TRAPPC9: variants seen among roughly 807,000 people sequenced by gnomAD.
The protein encoded by TRAPPC9 is trafficking protein particle complex subunit 9, also known as IKK2 binding protein.
Under a neutral mutation model 124.0 loss-of-function variants are expected in TRAPPC9, and 83 were observed. The observed-to-expected ratio is 0.67, with a 90% CI of 0.56 to 0.80. The LOEUF is 0.80. Among genes scored for constraint, TRAPPC9 ranks in the 30% least tolerant of loss-of-function variants. The pLI, the probability that TRAPPC9 is intolerant of heterozygous loss-of-function variation, is 0.00. For synonymous variants in TRAPPC9, 638 were observed against 617.5 expected, an observed-to-expected ratio of 1.03 and a Z score of -0.49; for missense variants, 1,302 against 1,508.3, an observed-to-expected ratio of 0.86 and a Z score of 2.27.
At chr8:139,995,855 C>T (rs71514660) in intron 18 of TRAPPC9, among the ~76,000 whole-genome samples, 1 of 128,370 alleles carries the variant, frequency 7.8e-6, no homozygotes, top group Admixed American at 8.1e-5. Context: ...AAAAGGTACT[C>T]TGCATTAAAA....
At chr8:140,016,397 C>T (rs929561612) in intron 18 of TRAPPC9, among the ~76,000 whole-genome samples, 4 of 152,098 alleles carry the variant, frequency 2.6e-5, no homozygotes, top group African/African-American at 9.7e-5. Flanking sequence ...CTAGAAAATC[C>T]CAGGCAAACC....
intron 19 of TRAPPC9, among the ~76,000 whole-genome samples, chr8:139,968,110 C>T (rs1456854779): frequency 6.6e-6 from 1 of 151,140 alleles, no homozygotes; most frequent in Admixed American, 6.6e-5. Flanking sequence ...GATCGCACCA[C>T]TGTACTCCAG....
intron 21 of TRAPPC9, among the ~76,000 whole-genome samples, chr8:139,781,955 T>A (rs750918241): frequency 1.3e-4 from 20 of 152,048 alleles, no homozygotes; most frequent in Non-Finnish European, 2.8e-4. Flanking sequence ...ATATTAATAA[T>A]CACATTAAAT....
chr8:139,738,188 A>C (rs1228860688), intron 21 of TRAPPC9, among the ~76,000 whole-genome samples: 1 of 152,010 alleles, frequency 6.6e-6, no homozygotes, highest in African/African-American at 2.4e-5. Flanking sequence ...TAGGGAGGGG[A>C]AGGGGCTCCT....
At chr8:140,153,410 T>A (rs1020987883) in intron 17 of TRAPPC9, among the ~76,000 whole-genome samples, 3 of 152,124 alleles carry the variant, frequency 2.0e-5, no homozygotes, top group Non-Finnish European at 2.9e-5. Flanking sequence ...TTGCATGATT[T>A]CATCTTAGAA....
chr8:140,309,994 G>A (rs2131875309), intron 10 of TRAPPC9, among the ~76,000 whole-genome samples: 1 of 152,294 alleles, frequency 6.6e-6, no homozygotes, highest in Admixed American at 6.5e-5. Context: ...CCTGCCAGGG[G>A]CTGCAATGCA....
intron 12 of TRAPPC9, among the ~76,000 whole-genome samples, chr8:140,288,420 T>G (rs2065552114): frequency 6.6e-6 from 1 of 152,206 alleles, no homozygotes; most frequent in Non-Finnish European, 1.5e-5. Flanking sequence ...TATTTCGGTA[T>G]GTACTAAGCT....
chr8:139,874,435 T>C (rs1426307760), intron 21 of TRAPPC9, among the ~76,000 whole-genome samples: 2 of 152,124 alleles, frequency 1.3e-5, no homozygotes, highest in East Asian at 3.9e-4. Flanking sequence ...AGTACAACCT[T>C]AAGGAGAAAG....
chr8:140,185,927 C>A (rs2062345498), intron 17 of TRAPPC9, among the ~76,000 whole-genome samples: 1 of 152,076 alleles, frequency 6.6e-6, no homozygotes, highest in Admixed American at 6.5e-5. Context: ...AAGGCCTGCC[C>A]CAGACACTGA....
chr8:140,253,989 AC>A (rs1057306735), intron 15 of TRAPPC9, among the ~76,000 whole-genome samples: 2 of 152,180 alleles, frequency 1.3e-5, no homozygotes, highest in Non-Finnish European at 2.9e-5. Flanking sequence ...AGACCACAGC[AC>A]TGTAAGAACC....
intron 21 of TRAPPC9, among the ~76,000 whole-genome samples, chr8:139,768,450 G>A (rs117426913): frequency 0.017 from 2,605 of 152,254 alleles, 34 homozygotes; most frequent in Non-Finnish European, 0.029. Flanking sequence ...CACCGACTGC[G>A]CTGGCCTGGA....
chr8:140,236,952 G>A, intron 16 of TRAPPC9, among the ~76,000 whole-genome samples: 1 of 152,124 alleles, frequency 6.6e-6, no homozygotes, highest in Non-Finnish European at 1.5e-5. Flanking sequence ...AGGCCAGGGA[G>A]GGCGGATCAC....
chr8:140,177,108 TGCTTTAAAAGTG>T (rs1330301989), intron 17 of TRAPPC9, among the ~76,000 whole-genome samples: 2 of 152,220 alleles, frequency 1.3e-5, no homozygotes, highest in Non-Finnish European at 2.9e-5. Context: ...GCTTTTTTAT[TGCTTTAAAAGTG>T]GCTTTTGAAG....
At chr8:140,111,175 GACTGATA>G (rs1350347563) in intron 17 of TRAPPC9, among the ~76,000 whole-genome samples, 1 of 151,228 alleles carries the variant, frequency 6.6e-6, no homozygotes, top group Non-Finnish European at 1.5e-5. Flanking sequence ...TGGGGACCCT[GACTGATA>G]CATCCATTAA....
intron 21 of TRAPPC9, among the ~76,000 whole-genome samples, chr8:139,828,212 A>G (rs1376981241): frequency 6.8e-6 from 1 of 146,988 alleles, no homozygotes; most frequent in Non-Finnish European, 1.5e-5. Context: ...CAGTGTGCCC[A>G]CATGACGCCT....
At chr8:139,964,591 C>T (rs1835576291) in intron 19 of TRAPPC9, among the ~76,000 whole-genome samples, 1 of 152,158 alleles carries the variant, frequency 6.6e-6, no homozygotes, top group African/African-American at 2.4e-5. Context: ...AAGATCCCTT[C>T]CAACTTAACC....
chr8:139,958,690 G>A (rs1835157056), intron 19 of TRAPPC9, among the ~76,000 whole-genome samples: 1 of 152,180 alleles, frequency 6.6e-6, no homozygotes, highest in South Asian at 2.1e-4. Flanking sequence ...GGAACACGGT[G>A]TCTGGGATGG....
chr8:139,784,729 T>C (rs1026725660), intron 21 of TRAPPC9, among the ~76,000 whole-genome samples: 5 of 148,382 alleles, frequency 3.4e-5, no homozygotes, highest in Non-Finnish European at 5.9e-5. Flanking sequence ...ATAAAGAATA[T>C]GAAATACTTA....
intron 5 of TRAPPC9, among the ~76,000 whole-genome samples, chr8:140,418,771 T>TGGAC (rs1554683676): frequency 7.6e-6 from 1 of 131,168 alleles, no homozygotes; most frequent in South Asian, 2.8e-4. Flanking sequence ...GATAGATAGA[T>TGGAC]AGACAGACAG....
Sources: allele counts gnomAD v4.1 joint callset (sites outside exome capture counted in the v4.1 genomes callset), GRCh38; gene constraint gnomAD v4.1.1; transcripts MANE v1.5; gene names NCBI Gene and HGNC (gene_info 2026-07-23, HGNC 2026-07-21).